The following PRR14L variants were observed in gnomAD, a reference collection of about 807,000 sequenced individuals.
PRR14L encodes the protein proline rich 14 like.
PRR14L carries 80 observed loss-of-function variants against 155.0 expected under a neutral mutation model. The ratio of observed to expected loss-of-function variants is 0.52; its 90% CI spans 0.43 to 0.62. The LOEUF (loss-of-function observed/expected upper bound fraction) is 0.62, where lower values mean the gene tolerates loss of function less well. Ranked by LOEUF, PRR14L falls within the 20% of genes least tolerant of loss-of-function variation. PRR14L has a pLI of 0.00. For missense variants in PRR14L, 2,469 were observed against 2,548.0 expected (o/e 0.97, Z 0.67); for synonymous variants, 883 against 916.0 (o/e 0.96, Z 0.65).
At chr22:31,701,863 A>T in intron 6 of PRR14L, 101 bp from the exon 7 acceptor site, 1 of 858,710 alleles carries the variant, frequency 1.2e-6, no homozygotes, top group Non-Finnish European at 1.8e-6. Flanking sequence ...GCTGGTGTGA[A>T]GTGGTGCAAT....
intron 3 of PRR14L, among the ~76,000 whole-genome samples, chr22:31,725,090 C>A (rs1421612175): frequency 6.6e-6 from 1 of 152,074 alleles, no homozygotes; most frequent in Non-Finnish European, 1.5e-5. Flanking sequence ...AACAAAGGTT[C>A]AACACACTCA....
intron 4 of PRR14L, among the ~76,000 whole-genome samples, chr22:31,707,835 T>A (rs1375559730): frequency 6.6e-6 from 1 of 152,196 alleles, no homozygotes; most frequent in Admixed American, 6.5e-5. Context: ...TGGCTGTCTT[T>A]ATAATAAGAG....
chr22:31,704,409 A>G, intron 5 of PRR14L: 1 of 347,632 alleles, frequency 2.9e-6, no homozygotes, highest in African/African-American at 2.1e-5. Context: ...TTCTGGTACA[A>G]TAAGCTGGTT....
At chr22:31,691,435 G>A (rs56387764) in intron 7 of PRR14L, among the ~76,000 whole-genome samples, 3,493 of 152,140 alleles carry the variant, frequency 0.023, 55 homozygotes, top group Middle Eastern at 0.044. Context: ...TGCCCAGGCT[G>A]GTATCAGACT....
intron 3 of PRR14L, among the ~76,000 whole-genome samples, chr22:31,721,253 C>T (rs1196641282): frequency 3.3e-5 from 5 of 152,186 alleles, no homozygotes; most frequent in East Asian, 1.9e-4. Flanking sequence ...GTCTGCCCTA[C>T]AGCAATCAAG....
chr22:31,728,334 C>G (rs556141737), intron 2 of PRR14L, among the ~76,000 whole-genome samples: 14 of 152,086 alleles, frequency 9.2e-5, no homozygotes, highest in Non-Finnish European at 2.9e-5. Flanking sequence ...GTCCTAGGGC[C>G]GGGGGCAGTG....
At chr22:31,742,405 C>T (rs1252300440) in intron 1 of PRR14L, among the ~76,000 whole-genome samples, 1 of 151,670 alleles carries the variant, frequency 6.6e-6, no homozygotes, top group South Asian at 2.1e-4. Context: ...GCTCTGTCGC[C>T]CAGGCTGGAT....
Position 31,715,308 on chromosome 22 carries a change from T to C in PRR14L, c.2531A>G (p.Lys844Arg). ...CCQGTGHSVE[K>R]SSCKVSYTSQ... ...TGTGTAACTCACTTTACAGCTGCTT[T>C]TTTCCACAGAGTGTCCTGTTCCTTG... The change falls in exon 4 of 9, where the codon AAA (lysine) becomes AGA (arginine). Residue 844 changes from lysine to arginine, a missense_variant. Lys to Arg is a conservative substitution (Grantham distance 26, BLOSUM62 2). Transcript: ENST00000327423. 6.4e-7 allele frequency: 1 copy of C among 1,552,160 alleles called. No homozygotes were observed.
intron 7 of PRR14L, among the ~76,000 whole-genome samples, chr22:31,694,587 A>T (rs1027173191): frequency 2.0e-5 from 3 of 151,536 alleles, no homozygotes; most frequent in Admixed American, 2.0e-4. Flanking sequence ...CTCTACTAAA[A>T]ATACAAAAAA....
At chr22:31,688,496 C>G (rs934868881) in intron 7 of PRR14L, among the ~76,000 whole-genome samples, 1 of 151,522 alleles carries the variant, frequency 6.6e-6, no homozygotes, top group Non-Finnish European at 1.5e-5. Flanking sequence ...AGACTTATTT[C>G]CCAATGCTAT....
At chr22:31,740,321 G>C (rs1374931614) in intron 1 of PRR14L, among the ~76,000 whole-genome samples, 3 of 152,222 alleles carry the variant, frequency 2.0e-5, no homozygotes, top group Non-Finnish European at 2.9e-5. Flanking sequence ...CCAGGTTCAA[G>C]TGATTCTCCT....
chr22:31,712,819 A>C lies in PRR14L; in HGVS notation c.5020T>G (p.Leu1674Val), dbSNP rs2074631216. ...SSSTEQLNPY[L>V]AASGWDKRPN... ...CTCTTATCCCATCCACTAGCTGCCA[A>C]ATATGGATTCAGCTGCTCTGTGCTG... Residue 1674 changes from leucine (L) to valine (V), a missense_variant, in exon 4 of 9, where the codon TTG becomes GTG. This residue lies in a region of PRR14L where 2,363 missense variants were observed against 2,371.6 expected (regional missense o/e 1.00). Coordinates refer to ENST00000327423, the MANE Select transcript of PRR14L (RefSeq NM_173566.3). The C allele has an allele frequency of 6.4e-7, 1 of 1,552,038 alleles. No homozygotes were observed. The highest frequency in any genetic ancestry group is 1.4e-5 in the African/African-American group (1 of 73,048).
chr22:31,693,240 C>T (rs576087727), intron 7 of PRR14L, among the ~76,000 whole-genome samples: 1 of 152,290 alleles, frequency 6.6e-6, no homozygotes, highest in South Asian at 2.1e-4. Flanking sequence ...CTCTGTGCTC[C>T]ACCTAGTCAT....
In PRR14L at chr22:31,712,674, T is replaced by G; in HGVS notation, c.5165A>C (p.His1722Pro). The change falls in exon 4 of 9, where the codon CAT becomes CCT. Residue 1722 changes from histidine to proline, a missense_variant. Physicochemically the swap from His to Pro is moderately conservative, Grantham distance 77. Around this residue, in one of 2 missense-constraint regions of PRR14L, gnomAD observed 2,363 missense variants for 2,371.6 expected, o/e 1.00. Coordinates refer to ENST00000327423, the MANE Select transcript of PRR14L (RefSeq NM_173566.3). ...GCAATCTGAGCTGGATGATTTCACA[T>G]GAAAGGATACTGGGAAGATTTCAGA... is the stretch of plus-strand genomic sequence containing the variant. Reference protein sequence around the residue: ...FGSEIFPVSFHVKSSSSDCTT... With the variant: ...FGSEIFPVSFPVKSSSSDCTT... The G allele has an allele frequency of 6.4e-7, 1 of 1,551,760 alleles. No individual in the cohort carries two copies. The highest frequency in any genetic ancestry group is 8.7e-7 in the Non-Finnish European group (1 of 1,147,008).
At chr22:31,719,739 CTTT>C (rs131229) in intron 3 of PRR14L, among the ~76,000 whole-genome samples, 5 of 143,474 alleles carry the variant, frequency 3.5e-5, no homozygotes, top group South Asian at 2.2e-4. Flanking sequence ...CTCTGTGACA[CTTT>C]TTTTTTTTTT....
chr22:31,716,761 C>G lies in PRR14L; in HGVS notation c.1078G>C (p.Glu360Gln). The part of the protein sequence containing the change: ...SGPESRTISL[E>Q]NCGFEGGGLL... ...CCACCACCTTCAAAACCACAGTTTT[C>G]TAAGGATATTGTTCTGGATTCTGGA... The change falls in exon 4 of 9, where the codon GAA becomes CAA. Residue 360 changes from glutamate (E) to glutamine (Q), a missense_variant. Glu to Gln is a conservative substitution (Grantham distance 29). Coordinates refer to ENST00000327423, the MANE Select transcript of PRR14L (RefSeq NM_173566.3). 1.9e-6 allele frequency: 3 copies of G among 1,551,832 alleles called. No homozygotes were observed. The highest frequency in any genetic ancestry group is 2.4e-5 in the South Asian group (2 of 84,060).
intron 1 of PRR14L, 62 bp from the exon 2 acceptor site, chr22:31,738,973 C>T (rs1225697516): frequency 4.1e-6 from 3 of 722,946 alleles, no homozygotes; most frequent in Non-Finnish European, 6.6e-6. Flanking sequence ...AGAAGGCTGC[C>T]TCAGTTCAAA....
chr22:31,685,864 AGGGTCAGGATGTTGACGCT>A, intron 8 of PRR14L, 61 bp from the exon 9 acceptor site: 1 of 1,483,718 alleles, frequency 6.7e-7, no homozygotes, highest in South Asian at 1.3e-5. Flanking sequence ...TCCTGTCAAC[AGGGTCAGGATGTTGACGCT>A]GGGTCAACAA....
chr22:31,689,620 A>G (rs1219497193), intron 7 of PRR14L, among the ~76,000 whole-genome samples: 1 of 152,316 alleles, frequency 6.6e-6, no homozygotes, highest in Admixed American at 6.5e-5. Context: ...GCTGGACTGC[A>G]GTGGCTCAAA....
Sources: gnomAD v4.1 joint callset for allele counts (sites outside exome capture counted in the v4.1 genomes callset) on GRCh38, gnomAD v4.1.1 for gene constraint, gnomAD v4.1.1 regional missense constraint, MANE v1.5 for transcripts, NCBI Gene and HGNC (gene_info 2026-07-23, HGNC 2026-07-21) for gene names.